FECH: variants seen among roughly 807,000 people sequenced by gnomAD.
The protein encoded by FECH is ferrochelatase.
In FECH, 40 loss-of-function variants were observed where a neutral mutation model predicts 56.9. The ratio of observed to expected loss-of-function variants is 0.70; its 90% confidence interval spans 0.55 to 0.92. The LOEUF is 0.92. Among genes scored for constraint, FECH ranks in the 40% least tolerant of loss-of-function variants. FECH has a pLI of 0.00. For synonymous variants in FECH, 175 were observed against 198.6 expected (o/e 0.88, Z 1.00); for missense variants, 431 against 529.1 (o/e 0.81, Z 1.82).
intron 4 of FECH, among the ~76,000 whole-genome samples, chr18:57,570,039 GT>G (rs1224719631): frequency 2.9e-5 from 2 of 68,842 alleles, no homozygotes; most frequent in Non-Finnish European, 3.4e-5. Context: ...TGTCGTGTGT[GT>G]GTGTGTGTGT....
rs377078701 is a variant in FECH at position 57,566,549 on chromosome 18, C to T, written c.496G>A (p.Val166Ile). 19 of 1,613,980 alleles carry T rather than the reference C, an allele frequency of 1.2e-5. No homozygotes were observed. Among genetic ancestry groups the T allele is most frequent in the Admixed American group, 3.3e-5 (2 of 59,994 alleles). Residue 166 changes from valine to isoleucine, a missense_variant, in exon 5 of 11, where the codon GTC becomes ATC. Physicochemically the swap from Val to Ile is conservative, Grantham distance 29. Coordinates refer to ENST00000262093, the MANE Select transcript of FECH (RefSeq NM_000140.5). ...ATTGCTTCTTCTGTTAAAGGATGGA[C>T]GTACCGAAATCCAATATAGTATTTG... ...PHKYYIGFRY[V>I]HPLTEEAIEE...
chr18:57,559,338 T>C (rs2050911043), intron 6 of FECH, 95 bp from the exon 7 acceptor site: 1 of 891,958 alleles, frequency 1.1e-6, no homozygotes, highest in Non-Finnish European at 1.8e-6. Flanking sequence ...ACACCAAAAA[T>C]CTCAGAGCAA....
At chr18:57,565,809 T>A (rs2051008546) in intron 5 of FECH, among the ~76,000 whole-genome samples, 1 of 152,188 alleles carries the variant, frequency 6.6e-6, no homozygotes, top group Non-Finnish European at 1.5e-5. Context: ...AACAAATGTG[T>A]CTGTGGGTGA....
At chr18:57,566,773 T>C (rs924332228) in intron 4 of FECH, among the ~76,000 whole-genome samples, 192 bp from the exon 5 acceptor site, 1 of 152,172 alleles carries the variant, frequency 6.6e-6, no homozygotes, top group African/African-American at 2.4e-5. Flanking sequence ...CTTTTAATGA[T>C]GACTTTCTAG....
chr18:57,551,458 A>G, intron 9 of FECH, 84 bp from the exon 10 acceptor site: 1 of 1,029,514 alleles, frequency 9.7e-7, no homozygotes, highest in Non-Finnish European at 1.5e-6. Context: ...CAAAAAAATA[A>G]ATACACACAG....
intron 10 of FECH, chr18:57,551,066 C>T: frequency 1.5e-6 from 1 of 651,608 alleles, no homozygotes; most frequent in Non-Finnish European, 2.6e-6. Flanking sequence ...AACCTCTTAC[C>T]CTACCCACTA....
intron 5 of FECH, among the ~76,000 whole-genome samples, chr18:57,563,965 A>C (rs2050983497): frequency 6.6e-6 from 1 of 152,158 alleles, no homozygotes; most frequent in African/African-American, 2.4e-5. Context: ...CGCAACCTCC[A>C]ACTCTTGGGT....
At chr18:57,559,956 T>A (rs1361193893) in intron 6 of FECH, among the ~76,000 whole-genome samples, 2 of 152,228 alleles carry the variant, frequency 1.3e-5, no homozygotes, top group South Asian at 2.1e-4. Context: ...TAGCCGGCAC[T>A]TTGATTCACG....
chr18:57,578,791 C>T (rs2051221062), intron 2 of FECH, among the ~76,000 whole-genome samples: 1 of 150,370 alleles, frequency 6.7e-6, no homozygotes, highest in Non-Finnish European at 1.5e-5. Context: ...GAAACCCCAT[C>T]TCTACTAAAA....
At chr18:57,570,871 C>T (rs534730206) in intron 4 of FECH, among the ~76,000 whole-genome samples, 6 of 152,212 alleles carry the variant, frequency 3.9e-5, no homozygotes, top group South Asian at 2.1e-4. Flanking sequence ...TTTGGTGCCA[C>T]GTCCAACAAG....
At chr18:57,579,709 C>T (rs2051246347) in intron 2 of FECH, among the ~76,000 whole-genome samples, 1 of 152,102 alleles carries the variant, frequency 6.6e-6, no homozygotes, top group African/African-American at 2.4e-5. Context: ...CTTGGTAGAC[C>T]AGTTATTCGT....
At chr18:57,566,115 G>T (rs11660618) in intron 5 of FECH, among the ~76,000 whole-genome samples, 13,181 of 152,152 alleles carry the variant, frequency 0.087, 690 homozygotes, top group Non-Finnish European at 0.12. Flanking sequence ...AGAAAATCTG[G>T]GTAGCCATAA....
intron 9 of FECH, among the ~76,000 whole-genome samples, chr18:57,553,736 G>C (rs945414871): frequency 2.6e-5 from 4 of 152,142 alleles, no homozygotes; most frequent in Non-Finnish European, 5.9e-5. Context: ...AATTAAGTGA[G>C]TGCATAAAAG....
At chr18:57,576,468 CA>C (rs940329280) in intron 2 of FECH, among the ~76,000 whole-genome samples, 1 of 152,202 alleles carries the variant, frequency 6.6e-6, no homozygotes, top group African/African-American at 2.4e-5. Flanking sequence ...CTTTCACCTT[CA>C]AAATCTGTGA....
At position 57,566,474 on chromosome 18, in the gene FECH, A is replaced by G. The variant is rs1055019947; in HGVS notation, c.571T>C (p.Tyr191His). The change falls in exon 5 of 11, where the codon TAT becomes CAT. Residue 191 changes from tyrosine to histidine, a missense_variant. Tyr to His is a moderately conservative substitution (Grantham distance 83, BLOSUM62 2). Coordinates refer to ENST00000262093, the MANE Select transcript of FECH (RefSeq NM_000140.5). ...GTGGTGGAGCAGCTGTACTGTGGAT[A>G]CTGTGTGAAAGCAATAGCCCTTTCT... ...GLERAIAFTQ[Y>H]PQYSCSTTGS... The G allele has an allele frequency of 3.1e-6, 5 of 1,614,076 alleles. No individual in the cohort carries two copies. The highest frequency in any genetic ancestry group is 4.2e-6 in the Non-Finnish European group (5 of 1,180,034).
chr18:57,574,653 G>A (rs186756380), intron 2 of FECH, among the ~76,000 whole-genome samples: 2 of 152,366 alleles, frequency 1.3e-5, no homozygotes, highest in East Asian at 1.9e-4. Context: ...CCTAAGCCCC[G>A]CCAGAGGGCA....
At chr18:57,550,967 T>A in intron 10 of FECH, 121 bp from the exon 11 acceptor site, 1 of 1,296,876 alleles carries the variant, frequency 7.7e-7, no homozygotes, top group Non-Finnish European at 1.1e-6. Context: ...ATCCGAGTGG[T>A]GAGCCCTTTG....
rs148440941 is a variant in FECH, at chr18:57,573,359, C to G, written c.201G>C (p.Pro67=). ...TGTTTAGCATTAATATTCCAGTTTT[C>G]GGCTTCCTATATAAAATAAAATACA... The part of the protein sequence containing the change: ...KPQVQPQKRK[P]KTGILMLNMG... The change falls in exon 3 of 11, where the codon CCG becomes CCC. Residue 67 remains proline (P), a synonymous_variant. Transcript: ENST00000262093. 10 of 1,613,928 alleles carry G rather than the reference C, an allele frequency of 6.2e-6. No homozygotes were observed. In the African/African-American group the frequency reaches 1.3e-4, roughly 22 times the overall value.
chr18:57,568,738 C>T (rs2051051827), intron 4 of FECH, among the ~76,000 whole-genome samples: 1 of 152,206 alleles, frequency 6.6e-6, no homozygotes, highest in South Asian at 2.1e-4. Context: ...GATTTTTAAA[C>T]AGCAAAAACT....
Sources: allele counts gnomAD v4.1 joint callset (sites outside exome capture counted in the v4.1 genomes callset), GRCh38; gene constraint gnomAD v4.1.1; transcripts MANE v1.5; gene names NCBI Gene and HGNC (gene_info 2026-07-23, HGNC 2026-07-21).